ARB2A: variants seen among roughly 807,000 people sequenced by gnomAD.
The protein encoded by ARB2A is ARB2 cotranscriptional regulator A.
the ARB2A span, among the ~76,000 whole-genome samples, chr5:93,640,225 G>A: frequency 5.6e-4 from 85 of 151,330 alleles, no homozygotes; most frequent in African/African-American, 2.0e-3. Context: ...GAGGCAGGGG[G>A]ATCACTTGAG....
At chr5:93,646,723 G>A in the ARB2A span, among the ~76,000 whole-genome samples, 7 of 151,836 alleles carry the variant, frequency 4.6e-5, no homozygotes, top group Non-Finnish European at 8.8e-5. Flanking sequence ...GATACATCAT[G>A]TATAGTGATG....
chr5:93,758,852 C>T, the ARB2A span, among the ~76,000 whole-genome samples: 1 of 151,868 alleles, frequency 6.6e-6, no homozygotes, highest in Non-Finnish European at 1.5e-5. Flanking sequence ...GAAATAAGAA[C>T]AAATCAAACC....
the ARB2A span, among the ~76,000 whole-genome samples, chr5:93,770,990 C>A: frequency 1.9e-3 from 285 of 152,126 alleles, no homozygotes; most frequent in African/African-American, 6.6e-3. Context: ...GAGCCCACAT[C>A]GCCAAGTTAA....
the ARB2A span, among the ~76,000 whole-genome samples, chr5:94,095,843 TG>T: frequency 6.6e-6 from 1 of 152,154 alleles, no homozygotes; most frequent in Non-Finnish European, 1.5e-5. Flanking sequence ...TTCGAATAAC[TG>T]AGAATCTGTT....
chr5:93,851,354 T>C, the ARB2A span, among the ~76,000 whole-genome samples: 1 of 152,208 alleles, frequency 6.6e-6, no homozygotes. Flanking sequence ...GACTTATCCA[T>C]TATATCTTGC....
the ARB2A span, among the ~76,000 whole-genome samples, chr5:94,022,783 A>C: frequency 6.6e-6 from 1 of 152,232 alleles, no homozygotes; most frequent in African/African-American, 2.4e-5. Flanking sequence ...TGGGCAATTG[A>C]AATACTTGTT....
At chr5:93,736,116 A>G in the ARB2A span, 1 of 152,146 alleles carries the variant, frequency 6.6e-6, no homozygotes, top group Non-Finnish European at 1.5e-5. Flanking sequence ...AGGACGCTGG[A>G]CCATGGGAAG....
At chr5:94,075,323 G>T in the ARB2A span, among the ~76,000 whole-genome samples, 1 of 151,840 alleles carries the variant, frequency 6.6e-6, no homozygotes, top group East Asian at 1.9e-4. Context: ...TAAATGAAAC[G>T]ATGTCATCAG....
At chr5:93,923,785 G>A in the ARB2A span, among the ~76,000 whole-genome samples, 10 of 152,076 alleles carry the variant, frequency 6.6e-5, no homozygotes, top group Admixed American at 5.2e-4. Flanking sequence ...TTTCAGCCTG[G>A]GCAAGAGAGT....
the ARB2A span, among the ~76,000 whole-genome samples, chr5:93,906,454 T>C: frequency 4.9e-4 from 75 of 151,564 alleles, 1 homozygote; most frequent in African/African-American, 1.7e-3. Flanking sequence ...TCCACATCTG[T>C]ATAATGGGGA....
chr5:94,061,962 T>C, the ARB2A span, among the ~76,000 whole-genome samples: 24 of 152,144 alleles, frequency 1.6e-4, no homozygotes, highest in Admixed American at 3.9e-4. Flanking sequence ...TAAAGGCAAA[T>C]GATCTAGAAT....
chr5:93,639,917 C>T, the ARB2A span, among the ~76,000 whole-genome samples: 222 of 150,434 alleles, frequency 1.5e-3, no homozygotes, highest in African/African-American at 5.3e-3. Flanking sequence ...TGGTGGCGGG[C>T]GCCTGTAATC....
At chr5:93,968,520 G>A in the ARB2A span, among the ~76,000 whole-genome samples, 2 of 151,986 alleles carry the variant, frequency 1.3e-5, no homozygotes, top group Non-Finnish European at 2.9e-5. Context: ...AAATGTAAAT[G>A]CAAAGAGAAA....
At chr5:94,019,360 C>G in the ARB2A span, among the ~76,000 whole-genome samples, 1 of 152,068 alleles carries the variant, frequency 6.6e-6, no homozygotes, top group Admixed American at 6.5e-5. Flanking sequence ...AAACTGCAAC[C>G]TATAGAATGG....
the ARB2A span, among the ~76,000 whole-genome samples, chr5:93,821,998 G>A: frequency 6.6e-6 from 1 of 151,984 alleles, no homozygotes; most frequent in Non-Finnish European, 1.5e-5. Context: ...CTCAGCCCTG[G>A]CGTTGCCTGA....
At chr5:93,817,395 A>C in the ARB2A span, among the ~76,000 whole-genome samples, 2 of 152,200 alleles carry the variant, frequency 1.3e-5, no homozygotes, top group South Asian at 4.1e-4. Context: ...TCAAGATGGC[A>C]ACACTCCCCA....
At chr5:93,934,059 C>T in the ARB2A span, among the ~76,000 whole-genome samples, 2 of 151,872 alleles carry the variant, frequency 1.3e-5, no homozygotes, top group African/African-American at 2.4e-5. Flanking sequence ...ATATGATCCC[C>T]TTAACAACAG....
the ARB2A span, among the ~76,000 whole-genome samples, chr5:93,961,359 A>C: frequency 6.6e-6 from 1 of 152,222 alleles, no homozygotes; most frequent in Admixed American, 6.5e-5. Flanking sequence ...AAGCAATGGA[A>C]TACTGGCACT....
chr5:93,880,322 T>C, the ARB2A span, among the ~76,000 whole-genome samples: 5 of 151,730 alleles, frequency 3.3e-5, no homozygotes, highest in African/African-American at 1.2e-4. Context: ...ATATTTTGAA[T>C]GTTTAAAGCA....
Sources: allele counts gnomAD v4.1 joint callset (sites outside exome capture counted in the v4.1 genomes callset), GRCh38; gene constraint gnomAD v4.1.1; transcripts MANE v1.5; gene names NCBI Gene and HGNC (gene_info 2026-07-23, HGNC 2026-07-21).